Variants in PLEKHA7 observed in about 807,000 individuals in gnomAD.
The protein encoded by PLEKHA7 is pleckstrin homology domain-containing family A member 7.
PLEKHA7 carries 104 observed loss-of-function variants against 170.0 expected under a neutral mutation model. The ratio of observed to expected loss-of-function variants is 0.61; its 90% CI spans 0.52 to 0.72. PLEKHA7 has a LOEUF of 0.72. Among genes scored for constraint, PLEKHA7 ranks in the 30% least tolerant of loss-of-function variants. The probability of loss-of-function intolerance (pLI) is 0.00; values close to 1 mark genes in which losing one functional copy is unlikely to be tolerated. For synonymous variants in PLEKHA7, 648 were observed against 660.8 expected (o/e 0.98, Z 0.30); for missense variants, 1,615 against 1,671.7 (o/e 0.97, Z 0.59).
intron 3 of PLEKHA7, among the ~76,000 whole-genome samples, chr11:16,994,866 G>T (rs1374908478): frequency 6.6e-6 from 1 of 152,094 alleles, no homozygotes; most frequent in Non-Finnish European, 1.5e-5. Context: ...GTATCCTCTG[G>T]TCATTGACAT....
chr11:16,787,261 TTATC>T, intron 23 of PLEKHA7: 3 of 983,286 alleles, frequency 3.1e-6, no homozygotes, highest in Non-Finnish European at 2.4e-6. Flanking sequence ...AAGCAGATGC[TTATC>T]TATCCCAGGC....
At chr11:16,943,742 C>T (rs1398097861) in intron 3 of PLEKHA7, among the ~76,000 whole-genome samples, 1 of 152,186 alleles carries the variant, frequency 6.6e-6, no homozygotes, top group Non-Finnish European at 1.5e-5. Flanking sequence ...ACACTCACAC[C>T]TGATAACCCT....
chr11:16,841,559 G>A lies in PLEKHA7; in HGVS notation c.860C>T (p.Ser287Leu), dbSNP rs748078073. ...CATCAGAACTAACCTCTTCAGTGAC[G>A]ATCGAGACAGCACCTGTGCAGCCTG... ...MNQAAQVLSR[S>L]SLKRDMEKVE... Residue 287 changes from serine to leucine, a missense_variant, in exon 9 of 27, where the codon TCG becomes TTG. Physicochemically the swap from Ser to Leu is moderately radical, Grantham distance 145. Coordinates refer to ENST00000531066, the MANE Select transcript of PLEKHA7 (RefSeq NM_001329630.2). The A allele has an allele frequency of 4.0e-5, 65 of 1,613,298 alleles. No homozygotes were observed. The highest frequency in any genetic ancestry group is 4.7e-5 in the Non-Finnish European group (55 of 1,179,956).
chr11:16,964,073 C>T (rs4757457), intron 3 of PLEKHA7, among the ~76,000 whole-genome samples: 125,601 of 152,188 alleles, frequency 0.83, 52,339 homozygotes, highest in South Asian at 0.89. Context: ...TAGAATTTGT[C>T]CTTTGGTAAT....
At chr11:16,854,824 C>T in intron 6 of PLEKHA7, 65 bp downstream of exon 6, 1 of 1,429,894 alleles carries the variant, frequency 7.0e-7, no homozygotes, top group South Asian at 1.2e-5. Context: ...TTCCTGGTGC[C>T]TGGGAAAGGA....
chr11:16,790,143 T>G, intron 21 of PLEKHA7: 1 of 469,052 alleles, frequency 2.1e-6, no homozygotes, highest in Non-Finnish European at 3.9e-6. Flanking sequence ...TGCAGATGAC[T>G]GGGCTGCCTG....
rs1177186530 is a variant in PLEKHA7 at position 16,834,444 on chromosome 11, G to C, written c.872+7103C>G. 2.6e-5 allele frequency among the ~76,000 whole-genome samples: 4 copies of C among 152,150 alleles called. No individual in the cohort carries two copies. In the East Asian group the frequency reaches 7.7e-4, roughly 29 times the overall value. ...AGAGATGAACCAAAGGTGTTTGTAG[G>C]GACCAGGCCCATGCAGGGTTTCCAA... On this transcript the variant is annotated intron_variant, in intron 9 of 26. Coordinates refer to ENST00000531066, the MANE Select transcript of PLEKHA7 (RefSeq NM_001329630.2).
intron 4 of PLEKHA7, among the ~76,000 whole-genome samples, chr11:16,860,953 T>C (rs779789204): frequency 2.6e-5 from 4 of 152,176 alleles, no homozygotes; most frequent in Admixed American, 2.0e-4. Context: ...GTTGTGTGGA[T>C]TGAAATGACA....
intron 3 of PLEKHA7, among the ~76,000 whole-genome samples, chr11:16,917,331 C>G (rs1858760853): frequency 6.6e-6 from 1 of 152,224 alleles, no homozygotes; most frequent in Admixed American, 6.5e-5. Context: ...CTGTGTCTAT[C>G]TATATTAGCT....
intron 3 of PLEKHA7, among the ~76,000 whole-genome samples, chr11:16,986,588 T>C (rs1258531906): frequency 6.6e-6 from 1 of 152,022 alleles, no homozygotes; most frequent in African/African-American, 2.4e-5. Context: ...TAAAAATTGC[T>C]CACTATTTAT....
intron 3 of PLEKHA7, among the ~76,000 whole-genome samples, chr11:16,970,554 A>G (rs1862646272): frequency 6.6e-6 from 1 of 152,020 alleles, no homozygotes; most frequent in Admixed American, 6.6e-5. Flanking sequence ...GTAGTCCCAG[A>G]TACTACGGAG....
chr11:16,882,509 T>C (rs1271188739), intron 3 of PLEKHA7, among the ~76,000 whole-genome samples: 2 of 152,224 alleles, frequency 1.3e-5, no homozygotes, highest in African/African-American at 2.4e-5. Context: ...CGAATTGCCA[T>C]AGCAGAATGA....
In PLEKHA7 at chr11:16,930,934, C is replaced by T. The variant is rs936990563; in HGVS notation, c.222-59752G>A. Among the ~76,000 whole-genome samples the T allele has an allele frequency of 2.6e-5, 4 of 152,230 alleles. 1 individual carries two copies. The Middle Eastern group carries it at 0.01, about 388-fold the overall frequency. On this transcript the variant is annotated intron_variant, in intron 3 of 26. Coordinates refer to ENST00000531066, the MANE Select transcript of PLEKHA7 (RefSeq NM_001329630.2). ...GGGACAGAAATGAGGCTCCCTGCCG[C>T]ACCTAAGCTGGAAACATGGAGCACA...
At chr11:16,952,923 A>T (rs756835697) in intron 3 of PLEKHA7, among the ~76,000 whole-genome samples, 6 of 152,224 alleles carry the variant, frequency 3.9e-5, no homozygotes, top group Non-Finnish European at 7.3e-5. Context: ...AACTAAATTT[A>T]AAAAATTTTT....
At chr11:16,925,375 G>T (rs1242732517) in intron 3 of PLEKHA7, among the ~76,000 whole-genome samples, 1 of 152,214 alleles carries the variant, frequency 6.6e-6, no homozygotes, top group Non-Finnish European at 1.5e-5. Context: ...GGCCAGCTAC[G>T]GCTCCCTCGC....
chr11:16,879,107 A>T (rs141704802), intron 3 of PLEKHA7, among the ~76,000 whole-genome samples: 3 of 152,334 alleles, frequency 2.0e-5, no homozygotes, highest in African/African-American at 7.2e-5. Flanking sequence ...CATCACCTGT[A>T]TCTCCTTTGC....
intron 3 of PLEKHA7, among the ~76,000 whole-genome samples, chr11:16,876,602 G>C (rs1037403101): frequency 1.3e-5 from 2 of 152,146 alleles, no homozygotes; most frequent in Non-Finnish European, 2.9e-5. Context: ...GGAAGTACTT[G>C]GGTTAAGCCC....
intron 5 of PLEKHA7, 152 bp from the exon 6 acceptor site, chr11:16,855,145 G>A (rs71484734): frequency 0.028 from 17,891 of 642,400 alleles, 450 homozygotes; most frequent in African/African-American, 0.078. Flanking sequence ...GGGAACGGGC[G>A]TGCACATGGC....
At chr11:16,825,499 C>T (rs965189702) in intron 10 of PLEKHA7, among the ~76,000 whole-genome samples, 3 of 152,190 alleles carry the variant, frequency 2.0e-5, no homozygotes, top group East Asian at 1.9e-4. Context: ...CTGGGGACAA[C>T]GGGGAAGCTA....
Sources: allele counts gnomAD v4.1 joint callset (sites outside exome capture counted in the v4.1 genomes callset), GRCh38; gene constraint gnomAD v4.1.1; transcripts MANE v1.5; gene names NCBI Gene and HGNC (gene_info 2026-07-23, HGNC 2026-07-21).